ADARB2: variants seen among roughly 807,000 people sequenced by gnomAD.
The protein encoded by ADARB2 is adenosine deaminase RNA specific B2 (inactive).
A neutral mutation model predicts 62.2 loss-of-function variants in ADARB2; 25 were observed. The ratio of observed to expected loss-of-function variants is 0.40; its 90% confidence interval spans 0.29 to 0.56. The LOEUF (loss-of-function observed/expected upper bound fraction) is 0.56, where lower values mean the gene tolerates loss of function less well. Among genes scored for constraint, ADARB2 ranks in the 20% least tolerant of loss-of-function variants. The pLI is 0.43. For missense variants in ADARB2, 1,071 were observed against 1,077.4 expected, an observed-to-expected ratio of 0.99 and a Z score of 0.08; for synonymous variants, 572 against 500.8, an observed-to-expected ratio of 1.14 and a Z score of -1.90.
chr10:1,602,356 C>T (rs1012302782), intron 1 of ADARB2, among the ~76,000 whole-genome samples: 3 of 152,258 alleles, frequency 2.0e-5, no homozygotes, highest in South Asian at 2.1e-4. Flanking sequence ...GTTTTCCCAG[C>T]GTCTCCCTCC....
chr10:1,301,387 T>C (rs1831571641), intron 3 of ADARB2, among the ~76,000 whole-genome samples: 1 of 152,232 alleles, frequency 6.6e-6, no homozygotes, highest in East Asian at 1.9e-4. Context: ...GATATGGGGA[T>C]AGGCTTGAAC....
intron 1 of ADARB2, among the ~76,000 whole-genome samples, chr10:1,714,700 G>A (rs1251502495): frequency 2.0e-5 from 3 of 152,122 alleles, no homozygotes; most frequent in South Asian, 2.1e-4. Context: ...TGACACATCC[G>A]TGCCCATCTG....
intron 5 of ADARB2, among the ~76,000 whole-genome samples, chr10:1,241,541 C>T (rs577603916): frequency 1.2e-4 from 19 of 152,280 alleles, no homozygotes; most frequent in Admixed American, 2.6e-4. Context: ...GGGTGTGTCG[C>T]GGAGGCCACG....
intron 1 of ADARB2, among the ~76,000 whole-genome samples, chr10:1,694,460 T>C (rs908509600): frequency 2.0e-5 from 3 of 152,200 alleles, no homozygotes; most frequent in Non-Finnish European, 4.4e-5. Context: ...TTAGTCTTAA[T>C]TGAACACAAA....
intron 1 of ADARB2, among the ~76,000 whole-genome samples, chr10:1,429,126 A>G (rs1201083843): frequency 1.3e-5 from 2 of 152,162 alleles, no homozygotes; most frequent in African/African-American, 4.8e-5. Flanking sequence ...GCTAGTTGTT[A>G]TCATGGAGGG....
Position 1,177,517 on chromosome 10 carries a change from A to T in ADARB2, c.*5676T>A, listed in dbSNP as rs1452034939. ...CATGCTTTTTATGTACATACCTTCA[A>T]TTAGAATTACTATGTGTTAAGTTCA... On this transcript the variant is annotated 3_prime_UTR_variant, in exon 10 of 10. Coordinates refer to ENST00000381312, the MANE Select transcript of ADARB2 (RefSeq NM_018702.4). 1.3e-5 allele frequency: 2 copies of T among 152,170 alleles called. No homozygotes were observed. The highest frequency in any genetic ancestry group is 4.8e-5 in the African/African-American group (2 of 41,414). The allele number at this position is 152,170 out of a possible 1,614,324, so 9.4% of individuals were successfully genotyped here.
intron 1 of ADARB2, among the ~76,000 whole-genome samples, chr10:1,523,892 G>T (rs1317584360): frequency 6.6e-6 from 1 of 152,052 alleles, no homozygotes; most frequent in Non-Finnish European, 1.5e-5. Flanking sequence ...GTATTGAATA[G>T]CTTGTTTCTT....
chr10:1,221,458 G>A (rs1830694466), intron 6 of ADARB2, among the ~76,000 whole-genome samples: 1 of 150,170 alleles, frequency 6.7e-6, no homozygotes, highest in Non-Finnish European at 1.5e-5. Flanking sequence ...GGGTACATGT[G>A]CACAACGTGC....
chr10:1,474,532 A>C (rs1831372973), intron 1 of ADARB2, among the ~76,000 whole-genome samples: 1 of 152,204 alleles, frequency 6.6e-6, no homozygotes, highest in African/African-American at 2.4e-5. Flanking sequence ...ACTGAGTGAC[A>C]CAGCCGGAGC....
chr10:1,313,724 C>A (rs553055892), intron 3 of ADARB2, among the ~76,000 whole-genome samples: 1 of 152,318 alleles, frequency 6.6e-6, no homozygotes, highest in African/African-American at 2.4e-5. Flanking sequence ...ATGACACCTG[C>A]ACACCCATCC....
At chr10:1,608,127 C>T (rs1833516739) in intron 1 of ADARB2, among the ~76,000 whole-genome samples, 1 of 152,222 alleles carries the variant, frequency 6.6e-6, no homozygotes, top group African/African-American at 2.4e-5. Context: ...GAAACAAGAT[C>T]CATGCAAATG....
intron 1 of ADARB2, among the ~76,000 whole-genome samples, chr10:1,718,614 G>A (rs142052222): frequency 1.3e-5 from 2 of 152,238 alleles, no homozygotes; most frequent in African/African-American, 2.4e-5. Context: ...AGGGAGCGGC[G>A]TTTAGAGATT....
chr10:1,574,008 C>T (rs569080921), intron 1 of ADARB2, among the ~76,000 whole-genome samples: 2 of 152,202 alleles, frequency 1.3e-5, no homozygotes, highest in Non-Finnish European at 2.9e-5. Context: ...ACAAGACCTC[C>T]GTGATGTCCC....
intron 3 of ADARB2, among the ~76,000 whole-genome samples, chr10:1,327,076 CA>C (rs1831865133): frequency 8.9e-6 from 1 of 111,826 alleles, no homozygotes; most frequent in African/African-American, 3.7e-5. Flanking sequence ...CTCCCCACTG[CA>C]CAGCGCCTCC....
intron 4 of ADARB2, among the ~76,000 whole-genome samples, chr10:1,264,750 G>A (rs1386781206): frequency 6.6e-6 from 1 of 152,194 alleles, no homozygotes. Context: ...CCTCAGAAGG[G>A]TTTCCTAGTT....
intron 1 of ADARB2, among the ~76,000 whole-genome samples, chr10:1,586,837 A>G (rs2813393): frequency 0.13 from 19,750 of 152,242 alleles, 1,374 homozygotes; most frequent in Admixed American, 0.16. Flanking sequence ...GCATAAAGAA[A>G]TATATAAAAC....
intron 7 of ADARB2, among the ~76,000 whole-genome samples, chr10:1,209,311 C>G (rs1424134105): frequency 3.3e-5 from 5 of 150,918 alleles, no homozygotes; most frequent in Non-Finnish European, 5.9e-5. Flanking sequence ...ACACCTACAG[C>G]CTCGCCCACA....
intron 1 of ADARB2, among the ~76,000 whole-genome samples, chr10:1,563,774 T>G: frequency 1.1e-5 from 1 of 94,560 alleles, no homozygotes; most frequent in African/African-American, 4.1e-5. Context: ...GTGCTATCCC[T>G]CCCCCCTCCC....
In ADARB2 at chr10:1,592,276, T is replaced by C. The variant is rs188828406; in HGVS notation, c.100+144775A>G. Reference sequence around the variant, plus strand: ...AGCTCCCCTGGCCCAAGCCACACTCTGTAGGTCTCCTCTCTGGCATGGTCC... The same window carrying C: ...AGCTCCCCTGGCCCAAGCCACACTCCGTAGGTCTCCTCTCTGGCATGGTCC... On this transcript the variant is annotated intron_variant, in intron 1 of 9. Coordinates refer to ENST00000381312, the MANE Select transcript of ADARB2 (RefSeq NM_018702.4). Among the ~76,000 whole-genome samples, 627 of 139,666 alleles carry C rather than the reference T, an allele frequency of 4.5e-3. 16 individuals are homozygous for C. The highest frequency in any genetic ancestry group is 0.016 in the African/African-American group (600 of 36,488). 91.6% of individuals were successfully genotyped at this position (139,666 alleles called of 152,430 possible).
Sources: allele counts gnomAD v4.1 joint callset (sites outside exome capture counted in the v4.1 genomes callset), GRCh38; gene constraint gnomAD v4.1.1; transcripts MANE v1.5; gene names NCBI Gene and HGNC (gene_info 2026-07-23, HGNC 2026-07-21).